PHF12: variants seen among roughly 807,000 people sequenced by gnomAD.
PHF12 encodes the protein PHD factor 1.
PHF12 carries 6 observed loss-of-function variants against 99.8 expected under a neutral mutation model. The observed-to-expected ratio is 0.06, with a 90% confidence interval of 0.03 to 0.12. The LOEUF is 0.12. Ranked by LOEUF, PHF12 falls within the 10% of genes least tolerant of loss-of-function variation. The pLI is 1.00. For missense variants in PHF12, 954 were observed against 1,300.1 expected (o/e 0.73, Z 4.09); for synonymous variants, 480 against 514.9 (o/e 0.93, Z 0.92).
intron 9 of PHF12, 79 bp from the exon 10 acceptor site, chr17:28,911,316 T>C: frequency 6.3e-7 from 1 of 1,576,556 alleles, no homozygotes; most frequent in Non-Finnish European, 8.6e-7. Context: ...CTGAGACAGG[T>C]CTGGATTTCG....
chr17:28,907,762 C>T, intron 12 of PHF12, 90 bp from the exon 13 acceptor site: 1 of 1,289,306 alleles, frequency 7.8e-7, no homozygotes, highest in South Asian at 1.2e-5. Flanking sequence ...AGAGAGTTAG[C>T]TTCTGGGTTG....
chr17:28,946,648 A>G (rs907876249), intron 2 of PHF12, among the ~76,000 whole-genome samples: 1 of 152,236 alleles, frequency 6.6e-6, no homozygotes, highest in Non-Finnish European at 1.5e-5. Context: ...TTGGATAGAG[A>G]ACCACAGCAG....
chr17:28,917,838 C>T (rs1329409998), intron 6 of PHF12, among the ~76,000 whole-genome samples: 1 of 152,166 alleles, frequency 6.6e-6, no homozygotes, highest in African/African-American at 2.4e-5. Flanking sequence ...AAGAGACCCA[C>T]ACTCCCTTCC....
chr17:28,928,933 T>G (rs539281054), intron 2 of PHF12, among the ~76,000 whole-genome samples: 14 of 151,696 alleles, frequency 9.2e-5, no homozygotes, highest in African/African-American at 3.4e-4. Flanking sequence ...CTGTCTCTAC[T>G]AATAATACAA....
intron 9 of PHF12, chr17:28,912,237 T>C: frequency 7.6e-7 from 1 of 1,308,018 alleles, no homozygotes; most frequent in Non-Finnish European, 9.7e-7. Context: ...GTTCCAATCC[T>C]GCCACTGACT....
chr17:28,936,674 C>T (rs973795620), intron 2 of PHF12, among the ~76,000 whole-genome samples: 1 of 152,162 alleles, frequency 6.6e-6, no homozygotes, highest in Non-Finnish European at 1.5e-5. Flanking sequence ...AGAAAGAGTT[C>T]ACTGCCCCTA....
chr17:28,911,268 C>T (rs373789646), intron 9 of PHF12, 31 bp from the exon 10 acceptor site: 82 of 1,612,488 alleles, frequency 5.1e-5, no homozygotes, highest in Non-Finnish European at 6.2e-5. Flanking sequence ...CTGTTACTTA[C>T]GTCGCCTGAG....
At chr17:28,912,102 G>A in intron 9 of PHF12, 6 of 1,032,170 alleles carry the variant, frequency 5.8e-6, no homozygotes, top group East Asian at 8.3e-5. Flanking sequence ...AGGCCATCAC[G>A]CAGAACCTCA....
At chr17:28,938,291 C>CCA (rs2152675637) in intron 2 of PHF12, among the ~76,000 whole-genome samples, 1 of 152,246 alleles carries the variant, frequency 6.6e-6, no homozygotes, top group African/African-American at 2.4e-5. Flanking sequence ...AGTGCAATGG[C>CCA]ACCATCTCAG....
rs542183563 is a variant in PHF12 at position 28,924,452 on chromosome 17, G to T, written c.322-150C>A. The stretch of plus-strand genomic sequence containing the variant: ...ACCTGGTCACTTGGAACACTGGTCT[G>T]TTAAAGTTGACACAACTCTAACTGA... On this transcript the variant is annotated intron_variant, in intron 3 of 14. Coordinates refer to ENST00000332830, the MANE Select transcript of PHF12 (RefSeq NM_001033561.2). The T allele has an allele frequency of 1.5e-4, 155 of 1,043,994 alleles. No individual in the cohort carries two copies. In the East Asian group the frequency reaches 3.5e-3, roughly 23 times the overall value. 64.7% of individuals were successfully genotyped at this position (1,043,994 alleles called of 1,614,324 possible).
intron 11 of PHF12, chr17:28,909,860 G>A: frequency 3.4e-6 from 2 of 583,110 alleles, no homozygotes; most frequent in Admixed American, 3.1e-5. Context: ...CAAAGTGCTG[G>A]GATTACAGGT....
rs780761248 is a variant in PHF12 at position 28,912,820 on chromosome 17, G to A, written c.1751C>T (p.Pro584Leu). The A allele has an allele frequency of 5.2e-5, 83 of 1,608,352 alleles. No individual in the cohort carries two copies. The highest frequency in any genetic ancestry group is 1.7e-4 in the Middle Eastern group (1 of 6,052). ...GLSHRQGWPRPLTPPAAGGLQ... is the reference protein window; with the variant it reads ...GLSHRQGWPRLLTPPAAGGLQ... ...GCCCCCAGCCGCTGGTGGCGTGAGG[G>A]GCCGGGGCCAGCCTTGCCGGTGTGA... Residue 584 changes from proline (P) to leucine (L), a missense_variant, in exon 9 of 15, where the codon CCC becomes CTC. Pro to Leu is a moderately conservative substitution (Grantham distance 98). Transcript: ENST00000332830.
chr17:28,929,004 G>C (rs1245272984), intron 2 of PHF12, among the ~76,000 whole-genome samples: 2 of 151,756 alleles, frequency 1.3e-5, no homozygotes, highest in African/African-American at 4.8e-5. Context: ...GCCGAGGCAG[G>C]AGAATCGCTT....
chr17:28,938,736 C>T (rs1479817622), intron 2 of PHF12, among the ~76,000 whole-genome samples: 1 of 152,186 alleles, frequency 6.6e-6, no homozygotes. Context: ...AAGCTCCCCA[C>T]CCTACAGGAC....
In PHF12 at chr17:28,950,735, AG is replaced by A. The variant is rs2040795325; in HGVS notation, c.66+159del. On this transcript the variant is annotated intron_variant, in intron 1 of 14. Coordinates refer to ENST00000332830, the MANE Select transcript of PHF12 (RefSeq NM_001033561.2). The surrounding 1 kb of genome is among the most constrained non-coding windows in gnomAD (Gnocchi z 5.7). ...GCAAACGTCCTCGGAGGCTGAGCTCAGCCCCCTAAATTGCAAAGAGGGGAGG... is the reference window on the plus strand; with the variant it reads ...GCAAACGTCCTCGGAGGCTGAGCTCACCCCCTAAATTGCAAAGAGGGGAGG... 9.5e-7 allele frequency: 1 copy of A among 1,053,636 alleles called. No individual in the cohort carries two copies. Among genetic ancestry groups the A allele is most frequent in the Non-Finnish European group, 1.3e-6 (1 of 768,964 alleles). The allele number at this position is 1,053,636 out of a possible 1,614,324, so 65.3% of individuals were successfully genotyped here. A position where few individuals can be genotyped will look rare whatever the true frequency, so the allele number is the denominator to read the frequency against.
intron 2 of PHF12, among the ~76,000 whole-genome samples, chr17:28,946,069 T>C (rs772033101): frequency 6.6e-6 from 1 of 151,520 alleles, no homozygotes; most frequent in Non-Finnish European, 1.5e-5. Flanking sequence ...CCGGGAGGCG[T>C]TGCAGTGAGC....
chr17:28,912,207 G>C, intron 9 of PHF12: 1 of 1,274,592 alleles, frequency 7.8e-7, no homozygotes. Flanking sequence ...ATGGGATGGA[G>C]TCAGGAGACC....
intron 2 of PHF12, among the ~76,000 whole-genome samples, chr17:28,930,843 G>T (rs2040386104): frequency 6.6e-6 from 1 of 152,126 alleles, no homozygotes; most frequent in South Asian, 2.1e-4. Flanking sequence ...GGCCGAGGTG[G>T]GTGGATTGCT....
At position 28,918,391 on chromosome 17, in the gene PHF12, A is replaced by G. The variant is rs185610016; in HGVS notation, c.969+752T>C. Among the ~76,000 whole-genome samples the G allele has an allele frequency of 1.7e-3, 260 of 152,364 alleles. 1 individual carries two copies. Among genetic ancestry groups the G allele is most frequent in the African/African-American group, 6.0e-3 (251 of 41,592 alleles). On this transcript the variant is annotated intron_variant, in intron 6 of 14. Coordinates refer to ENST00000332830, the MANE Select transcript of PHF12 (RefSeq NM_001033561.2). ...CCTCCTAGAAAAATCTTTGACTGGC[A>G]TGAGTCAAAAGAACACAAAGTAACT...
Sources: gnomAD v4.1 joint callset for allele counts (sites outside exome capture counted in the v4.1 genomes callset) on GRCh38, gnomAD v4.1.1 for gene constraint, Gnocchi (gnomAD v3.1) non-coding constraint, MANE v1.5 for transcripts, NCBI Gene and HGNC (gene_info 2026-07-23, HGNC 2026-07-21) for gene names.